IMPG1: variants seen among roughly 807,000 people sequenced by gnomAD.
IMPG1 encodes interphotoreceptor matrix proteoglycan 1.
A neutral mutation model predicts 92.0 loss-of-function variants in IMPG1; 85 were observed. The ratio of observed to expected loss-of-function variants is 0.92; its 90% CI spans 0.78 to 1.11. The LOEUF (loss-of-function observed/expected upper bound fraction) is 1.11, where lower values mean the gene tolerates loss of function less well. IMPG1 is among the 50% of genes least tolerant of loss of function. IMPG1 has a pLI of 0.00. For synonymous variants in IMPG1, 367 were observed against 334.1 expected, an observed-to-expected ratio of 1.10 and a Z score of -1.08; for missense variants, 1,022 against 956.0, an observed-to-expected ratio of 1.07 and a Z score of -0.91.
chr6:76,020,297 C>T lies in IMPG1; in HGVS notation c.667-1439G>A, dbSNP rs528664975. Among the ~76,000 whole-genome samples the T allele has an allele frequency of 4.9e-4, 75 of 152,282 alleles. 1 individual carries two copies. The highest frequency in any genetic ancestry group is 1.3e-4 in the Non-Finnish European group (9 of 68,016). The stretch of plus-strand genomic sequence containing the variant: ...TGAGCTCCTGGGCTCAAGTGATCCT[C>T]CTATGTTGGTCTCCCAAGGTGCTGG... On this transcript the variant is annotated intron_variant, in intron 6 of 16. Coordinates refer to ENST00000369950, the MANE Select transcript of IMPG1 (RefSeq NM_001563.4).
chr6:75,990,588 T>TACACACACAC (rs112985372), intron 12 of IMPG1, among the ~76,000 whole-genome samples: 1,811 of 144,968 alleles, frequency 0.012, 26 homozygotes, highest in East Asian at 0.062. Context: ...ACCCCACCTC[T>TACACACACAC]ACACACACAC....
At chr6:76,032,848 T>C (rs1414608953) in intron 4 of IMPG1, among the ~76,000 whole-genome samples, 4 of 152,084 alleles carry the variant, frequency 2.6e-5, no homozygotes, top group African/African-American at 9.7e-5. Context: ...AGAGGCATGG[T>C]GGCAGCCGCG....
chr6:75,993,474 A>AAG (rs1179463700), intron 12 of IMPG1, among the ~76,000 whole-genome samples: 1 of 151,718 alleles, frequency 6.6e-6, no homozygotes. Flanking sequence ...GAGAGAGAGA[A>AAG]AGAGAGAGAG....
chr6:76,065,690 C>T (rs1452434545), intron 1 of IMPG1, among the ~76,000 whole-genome samples: 1 of 152,004 alleles, frequency 6.6e-6, no homozygotes, highest in African/African-American at 2.4e-5. Context: ...CCTAATTTTA[C>T]TAGAAATTTA....
chr6:76,072,277 TTCAA>T (rs1411508306), intron 1 of IMPG1, 141 bp downstream of exon 1: 12 of 491,954 alleles, frequency 2.4e-5, no homozygotes, highest in African/African-American at 1.2e-4. Flanking sequence ...TAGTTAATTA[TTCAA>T]TCAATCAAGC....
chr6:75,977,789 T>C (rs1364147327), intron 12 of IMPG1, among the ~76,000 whole-genome samples: 1 of 150,996 alleles, frequency 6.6e-6, no homozygotes, highest in African/African-American at 2.4e-5. Flanking sequence ...AAGCAGGAAC[T>C]CTAAATTATC....
chr6:75,942,685 G>A (rs947510567), intron 14 of IMPG1, among the ~76,000 whole-genome samples: 4 of 152,112 alleles, frequency 2.6e-5, no homozygotes, highest in African/African-American at 4.8e-5. Flanking sequence ...TGGCTTACAC[G>A]CAAATATCCC....
At chr6:75,951,714 AAAGGTATTGGTG>A (rs1164246285) in intron 12 of IMPG1, among the ~76,000 whole-genome samples, 1 of 152,214 alleles carries the variant, frequency 6.6e-6, no homozygotes, top group Non-Finnish European at 1.5e-5. Flanking sequence ...CTGGGAGTAT[AAAGGTATTGGTG>A]AACATATAAT....
Position 75,933,926 on chromosome 6 carries a change from G to A in IMPG1, c.2045-2775C>T, listed in dbSNP as rs188558000. Among the ~76,000 whole-genome samples the A allele has an allele frequency of 5.3e-5, 8 of 152,296 alleles. No homozygotes were observed. In the East Asian group the frequency reaches 1.5e-3, roughly 29 times the overall value. ...CATCATTTTCATCGGTGAGAAAACGGAAGCCCATTTTAGCTAGTAAGTATG... is the reference window on the plus strand; with the variant it reads ...CATCATTTTCATCGGTGAGAAAACGAAAGCCCATTTTAGCTAGTAAGTATG... On this transcript the variant is annotated intron_variant, in intron 14 of 16. Coordinates refer to ENST00000369950, the MANE Select transcript of IMPG1 (RefSeq NM_001563.4).
intron 4 of IMPG1, among the ~76,000 whole-genome samples, chr6:76,027,010 C>T (rs1000078961): frequency 2.6e-5 from 4 of 152,132 alleles, no homozygotes; most frequent in African/African-American, 9.7e-5. Flanking sequence ...TGTGTGTGTA[C>T]TGTGTGTAAC....
intron 7 of IMPG1, among the ~76,000 whole-genome samples, chr6:76,015,389 G>GAGAAA (rs1783267048): frequency 6.6e-6 from 1 of 152,178 alleles, no homozygotes; most frequent in Non-Finnish European, 1.5e-5. Flanking sequence ...TTCAATCTTA[G>GAGAAA]AGAAATCAGT....
chr6:75,922,518 C>T (rs1007982958), intron 16 of IMPG1, among the ~76,000 whole-genome samples: 30 of 152,144 alleles, frequency 2.0e-4, no homozygotes, highest in African/African-American at 7.2e-4. Context: ...TGTCTGTCAA[C>T]ACAGAAATCC....
At chr6:76,043,431 C>A (rs1370207703) in intron 1 of IMPG1, among the ~76,000 whole-genome samples, 2 of 152,064 alleles carry the variant, frequency 1.3e-5, no homozygotes, top group African/African-American at 4.8e-5. Flanking sequence ...TGGAGAAAGT[C>A]CGCCTGGGAA....
chr6:75,973,706 C>T (rs1180807893), intron 12 of IMPG1, among the ~76,000 whole-genome samples: 1 of 152,212 alleles, frequency 6.6e-6, no homozygotes, highest in Non-Finnish European at 1.5e-5. Flanking sequence ...CTTCACTACA[C>T]TACTGAGGCT....
At position 76,026,197 on chromosome 6, in the gene IMPG1, G is replaced by A. The variant is rs547963729; in HGVS notation, c.498-939C>T. The stretch of plus-strand genomic sequence containing the variant: ...CTTCCTTTTCACCCAATAAAACCCT[G>A]CTTTACTCACCCTTCAAACCATCTG... On this transcript the variant is annotated intron_variant, in intron 4 of 16. Coordinates refer to ENST00000369950, the MANE Select transcript of IMPG1 (RefSeq NM_001563.4). Among the ~76,000 whole-genome samples the A allele has an allele frequency of 7.2e-5, 11 of 152,278 alleles. No individual in the cohort carries two copies. In the South Asian group the frequency reaches 2.3e-3, roughly 32 times the overall value.
chr6:75,992,937 A>G (rs1782838112), intron 12 of IMPG1, among the ~76,000 whole-genome samples: 1 of 152,174 alleles, frequency 6.6e-6, no homozygotes, highest in South Asian at 2.1e-4. Context: ...TAAAATAATT[A>G]TGTACCTCTG....
At chr6:75,948,803 A>T (rs1386502671) in intron 13 of IMPG1, among the ~76,000 whole-genome samples, 1 of 152,138 alleles carries the variant, frequency 6.6e-6, no homozygotes, top group Non-Finnish European at 1.5e-5. Flanking sequence ...TGGCCATGTG[A>T]CTAGTTCCCA....
At chr6:76,003,449 C>T (rs1783035866) in intron 11 of IMPG1, among the ~76,000 whole-genome samples, 1 of 151,964 alleles carries the variant, frequency 6.6e-6, no homozygotes, top group Non-Finnish European at 1.5e-5. Flanking sequence ...ATTTATCAAA[C>T]CCCCATAAAT....
Position 76,069,990 on chromosome 6 carries a change from G to A in IMPG1, c.67+2432C>T, listed in dbSNP as rs144835534. Among the ~76,000 whole-genome samples the A allele has an allele frequency of 9.6e-4, 146 of 152,172 alleles. 1 individual carries two copies. The East Asian group carries it at 0.025, about 26-fold the overall frequency. On this transcript the variant is annotated intron_variant, in intron 1 of 16. Coordinates refer to ENST00000369950, the MANE Select transcript of IMPG1 (RefSeq NM_001563.4). ...CATTTGGGACTACTAGAGGGAAGAG[G>A]GCAAGAAGGAGACAAGGGTTGAAAG...
Sources: allele counts gnomAD v4.1 joint callset (sites outside exome capture counted in the v4.1 genomes callset), GRCh38; gene constraint gnomAD v4.1.1; transcripts MANE v1.5; gene names NCBI Gene and HGNC (gene_info 2026-07-23, HGNC 2026-07-21).